The following CENPW variants were observed in gnomAD, a reference collection of about 807,000 sequenced individuals.
The protein encoded by CENPW is centromere protein W.
A neutral mutation model predicts 11.1 loss-of-function variants in CENPW; 3 were observed. The ratio of observed to expected loss-of-function variants is 0.27; its 90% CI spans 0.12 to 0.70. CENPW has a LOEUF of 0.70. Ranked by LOEUF, CENPW falls within the 30% of genes least tolerant of loss-of-function variation. The probability of loss-of-function intolerance (pLI) is 0.77; values close to 1 mark genes in which losing one functional copy is unlikely to be tolerated. For missense variants in CENPW, 100 were observed against 105.6 expected, an observed-to-expected ratio of 0.95 and a Z score of 0.23; for synonymous variants, 38 against 42.0, an observed-to-expected ratio of 0.91 and a Z score of 0.37.
the CENPW span, among the ~76,000 whole-genome samples, chr6:126,388,999 A>G: frequency 6.6e-6 from 1 of 151,974 alleles, no homozygotes; most frequent in Non-Finnish European, 1.5e-5. Flanking sequence ...GCAGAGGATA[A>G]GTAGTCAATG....
the CENPW span, among the ~76,000 whole-genome samples, chr6:126,387,277 AAAAT>A: frequency 6.6e-6 from 1 of 151,936 alleles, no homozygotes; most frequent in Admixed American, 6.6e-5. Context: ...GCTACTCTCA[AAAAT>A]AAATCACAAT....
the CENPW span, among the ~76,000 whole-genome samples, chr6:126,451,525 C>T: frequency 6.6e-6 from 1 of 151,040 alleles, no homozygotes; most frequent in Non-Finnish European, 1.5e-5. Context: ...ATATAAGATT[C>T]TTGAGTTATT....
At chr6:126,402,416 A>G in the CENPW span, among the ~76,000 whole-genome samples, 2 of 151,818 alleles carry the variant, frequency 1.3e-5, no homozygotes. Context: ...CAATTTTCAC[A>G]TTATTGTACA....
the CENPW span, among the ~76,000 whole-genome samples, chr6:126,420,361 C>T: frequency 5.3e-5 from 8 of 152,028 alleles, no homozygotes; most frequent in African/African-American, 1.4e-4. Context: ...AGTATCTTTG[C>T]ATCAAGTATC....
the CENPW span, among the ~76,000 whole-genome samples, chr6:126,388,941 G>A: frequency 1.3e-5 from 2 of 151,824 alleles, no homozygotes; most frequent in Admixed American, 6.6e-5. Context: ...ATGACTAGAT[G>A]AAAAAGCAAG....
chr6:126,466,919 T>C, the CENPW span, among the ~76,000 whole-genome samples: 1 of 151,834 alleles, frequency 6.6e-6, no homozygotes, highest in African/African-American at 2.4e-5. Flanking sequence ...CACCTAGGAA[T>C]AGGGGAAAAA....
the CENPW span, among the ~76,000 whole-genome samples, chr6:126,377,333 A>G: frequency 1.3e-5 from 2 of 152,330 alleles, no homozygotes; most frequent in African/African-American, 4.8e-5. Flanking sequence ...CCTATTATGA[A>G]GAAAAAAGAC....
chr6:126,479,419 C>T, the CENPW span, among the ~76,000 whole-genome samples: 1 of 151,912 alleles, frequency 6.6e-6, no homozygotes, highest in Non-Finnish European at 1.5e-5. Context: ...GTGAGATCAT[C>T]TTCACCTTCT....
chr6:126,428,896 A>T, the CENPW span, among the ~76,000 whole-genome samples: 1 of 152,148 alleles, frequency 6.6e-6, no homozygotes, highest in Admixed American at 6.6e-5. Context: ...CCACCTAGAG[A>T]TAACTTTTGC....
the CENPW span, among the ~76,000 whole-genome samples, chr6:126,449,716 A>C: frequency 6.6e-6 from 1 of 151,114 alleles, no homozygotes; most frequent in South Asian, 2.1e-4. Flanking sequence ...TCAACTCTTA[A>C]AATTAATGAC....
chr6:126,479,560 T>C, the CENPW span, among the ~76,000 whole-genome samples: 1 of 152,078 alleles, frequency 6.6e-6, no homozygotes, highest in Admixed American at 6.6e-5. Flanking sequence ...ATGCATCTTT[T>C]TCCTGAATAT....
At chr6:126,353,845 A>T (rs1780519511), downstream of CENPW, among the ~76,000 whole-genome samples, 1 of 151,594 alleles carries the variant, frequency 6.6e-6, no homozygotes, top group African/African-American at 2.4e-5. Context: ...TAATTTTCTC[A>T]TCTGTTTCAT....
chr6:126,467,237 C>T, the CENPW span, among the ~76,000 whole-genome samples: 3 of 151,912 alleles, frequency 2.0e-5, no homozygotes, highest in Non-Finnish European at 4.4e-5. Context: ...ACCAGACTTC[C>T]AACTATACTA....
the CENPW span, among the ~76,000 whole-genome samples, chr6:126,416,554 T>C: frequency 6.6e-6 from 1 of 151,980 alleles, no homozygotes; most frequent in Non-Finnish European, 1.5e-5. Flanking sequence ...GAGGAAAAAG[T>C]AGTTTTGTGG....
the CENPW span, among the ~76,000 whole-genome samples, chr6:126,397,020 TG>T: frequency 6.6e-6 from 1 of 151,916 alleles, no homozygotes; most frequent in African/African-American, 2.4e-5. Flanking sequence ...TACATGGGGT[TG>T]GGGTATGGGT....
the CENPW span, among the ~76,000 whole-genome samples, chr6:126,477,206 G>T: frequency 6.6e-6 from 1 of 151,856 alleles, no homozygotes; most frequent in Non-Finnish European, 1.5e-5. Flanking sequence ...AACACCAGTT[G>T]CCTATTAAGA....
intron 1 of CENPW, among the ~76,000 whole-genome samples, chr6:126,341,345 A>G (rs1369468548): frequency 1.3e-5 from 2 of 152,160 alleles, no homozygotes; most frequent in Non-Finnish European, 2.9e-5. Context: ...GGATAATAAG[A>G]GCATACTGCA....
chr6:126,385,868 C>T, the CENPW span, among the ~76,000 whole-genome samples: 1 of 152,068 alleles, frequency 6.6e-6, no homozygotes, highest in African/African-American at 2.4e-5. Context: ...TTATAAATTA[C>T]TGAGTCTTGA....
chr6:126,440,332 G>A, the CENPW span, among the ~76,000 whole-genome samples: 1 of 151,550 alleles, frequency 6.6e-6, no homozygotes, highest in South Asian at 2.1e-4. Flanking sequence ...AGAAAAGACA[G>A]TATACCTTCC....
Sources: gnomAD v4.1 joint callset for allele counts (sites outside exome capture counted in the v4.1 genomes callset) on GRCh38, gnomAD v4.1.1 for gene constraint, MANE v1.5 for transcripts, NCBI Gene and HGNC (gene_info 2026-07-23, HGNC 2026-07-21) for gene names.